The following CUEDC2 variants were observed in gnomAD, a reference collection of about 807,000 sequenced individuals.
CUEDC2 encodes the protein CUE domain containing 2.
Under a neutral mutation model 36.0 loss-of-function variants are expected in CUEDC2, and 10 were observed. The ratio of observed to expected loss-of-function variants is 0.28; its 90% CI spans 0.17 to 0.47. CUEDC2 has a LOEUF of 0.47. Ranked by LOEUF, CUEDC2 falls within the 20% of genes least tolerant of loss-of-function variation. CUEDC2 has a pLI of 0.99. For missense variants in CUEDC2, 269 were observed against 368.1 expected, an observed-to-expected ratio of 0.73 and a Z score of 2.20; for synonymous variants, 133 against 141.8, an observed-to-expected ratio of 0.94 and a Z score of 0.44.
In CUEDC2 at chr10:102,424,383, G is replaced by A; in HGVS notation, c.292C>T (p.Pro98Ser). Residue 98 changes from proline (P) to serine (S), a missense_variant, in exon 5 of 9, where the codon CCG (proline) becomes TCG (serine). Transcript: ENST00000369937. The surrounding 1 kb of genome is among the most constrained non-coding windows in gnomAD (Gnocchi z 4.2). ...SDARNKENLQ[P>S]QSSGVQGQVP... Reference sequence around the variant, plus strand: ...TGACCTTGGACACCAGAGCTCTGCGGTTGCAGGTTCTCTTAAAGAGGCAAA... The same window carrying A: ...TGACCTTGGACACCAGAGCTCTGCGATTGCAGGTTCTCTTAAAGAGGCAAA... The A allele has an allele frequency of 6.2e-7, 1 of 1,614,096 alleles. No homozygotes were observed. The highest frequency in any genetic ancestry group is 1.1e-5 in the South Asian group (1 of 91,076).
At chr10:102,430,143 TTAA>T (rs1250644922) in intron 1 of CUEDC2, among the ~76,000 whole-genome samples, 4 of 76,600 alleles carry the variant, frequency 5.2e-5, no homozygotes, top group Admixed American at 1.6e-4. Flanking sequence ...TTTTTTTTTT[TTAA>T]TTTTATTTAT....
Position 102,424,783 on chromosome 10 carries a change from A to C in CUEDC2, c.84T>G (p.Asp28Glu). The C allele has an allele frequency of 6.2e-7, 1 of 1,613,198 alleles. No individual in the cohort carries two copies. Among genetic ancestry groups the C allele is most frequent in the South Asian group, 1.1e-5 (1 of 91,068 alleles). The change falls in exon 3 of 9, where the codon GAT becomes GAG. Residue 28 changes from aspartate to glutamate, a missense_variant. Physicochemically the swap from Asp to Glu is conservative, Grantham distance 45. Transcript: ENST00000369937. This position sits in a 1 kb window ranked among gnomAD's most constrained non-coding sequence, Gnocchi z 4.2. ...HLPEADLSGL[D>E]EVIFSYVLGV... ...CAAGCACATAGGAGAAGATGACCTC[A>C]TCCAAGCCACTGCAGGAAGGGAACA...
intron 1 of CUEDC2, among the ~76,000 whole-genome samples, chr10:102,426,833 G>C (rs1483611297): frequency 6.6e-6 from 1 of 151,806 alleles, no homozygotes; most frequent in African/African-American, 2.4e-5. Context: ...TAGTAGAGAT[G>C]CAGTTTTGCC....
chr10:102,429,821 CTTTT>C (rs55659266), intron 1 of CUEDC2, among the ~76,000 whole-genome samples: 4 of 133,086 alleles, frequency 3.0e-5, no homozygotes. Flanking sequence ...CAGTTTCTTT[CTTTT>C]TTTTTTTTTT....
At chr10:102,431,848 GAC>G (rs770956342) in intron 1 of CUEDC2, among the ~76,000 whole-genome samples, 1 of 152,176 alleles carries the variant, frequency 6.6e-6, no homozygotes, top group Non-Finnish European at 1.5e-5. Flanking sequence ...GCTAGATAGA[GAC>G]ACTGTGGACA....
chr10:102,425,806 G>A (rs1388338503), intron 1 of CUEDC2, among the ~76,000 whole-genome samples: 1 of 151,984 alleles, frequency 6.6e-6, no homozygotes, highest in Admixed American at 6.5e-5. Flanking sequence ...CAAGGCCTGA[G>A]GAGCCCACAG....
rs1433292132 is a variant in CUEDC2, at chr10:102,425,171, G to A, written c.18C>T (p.Ile6=). The change falls in exon 2 of 9, where the codon ATC becomes ATT. Residue 6 remains isoleucine (I), a synonymous_variant. Transcript: ENST00000369937. MELER[I]VSAALLAFVQ... ...CAAAGGCAAGGAGGGCTGCACTGAC[G>A]ATCCTCTCCAGCTCCATGCTCTCTC... 3.1e-6 allele frequency: 5 copies of A among 1,613,608 alleles called. No homozygotes were observed. The African/African-American group carries it at 4.0e-5, about 13-fold the overall frequency.
At chr10:102,426,866 G>GGA (rs2061598653) in intron 1 of CUEDC2, among the ~76,000 whole-genome samples, 1 of 151,758 alleles carries the variant, frequency 6.6e-6, no homozygotes, top group African/African-American at 2.4e-5. Flanking sequence ...CAGGGTTCGA[G>GGA]ACCCAGGCTG....
intron 1 of CUEDC2, among the ~76,000 whole-genome samples, chr10:102,431,356 C>CAG (rs2061616140): frequency 6.6e-6 from 1 of 152,212 alleles, no homozygotes; most frequent in South Asian, 2.1e-4. Flanking sequence ...GTTGGCCAGA[C>CAG]TGGTCTCGAA....
intron 1 of CUEDC2, among the ~76,000 whole-genome samples, chr10:102,429,874 C>T (rs2061610349): frequency 6.7e-6 from 1 of 148,714 alleles, no homozygotes; most frequent in Non-Finnish European, 1.5e-5. Context: ...GGCTGGAGTG[C>T]AATGGTGTGA....
At position 102,423,633 on chromosome 10, in the gene CUEDC2, C is replaced by T. The variant is rs931335337; in HGVS notation, c.717+24G>A. 1 of 1,614,070 alleles carries T rather than the reference C, an allele frequency of 6.2e-7. No individual in the cohort carries two copies. The highest frequency in any genetic ancestry group is 8.5e-7 in the Non-Finnish European group (1 of 1,180,028). The stretch of plus-strand genomic sequence containing the variant: ...GAGCCAGTCCCACCCATTCCGCATC[C>T]CCAGCAACCCTTAACTCTCTCACCT... On this transcript the variant is annotated intron_variant, in intron 8 of 8. Coordinates refer to ENST00000369937, the MANE Select transcript of CUEDC2 (RefSeq NM_024040.3). The surrounding 1 kb of genome is among the most constrained non-coding windows in gnomAD (Gnocchi z 5.6).
chr10:102,424,175 T>C lies in CUEDC2; in HGVS notation c.415A>G (p.Thr139Ala), dbSNP rs558605609. Residue 139 changes from threonine to alanine, a missense_variant, in exon 6 of 9, where the codon ACT (threonine) becomes GCT (alanine). Transcript: ENST00000369937. The surrounding 1 kb of genome is among the most constrained non-coding windows in gnomAD (Gnocchi z 4.2). ...GGCAGAAGCTCCTCCTCAGCGCCAG[T>C]TGCCTAAGGGTACAAACGTTAACAA... Reference protein sequence around the residue: ...AAAADTQDEATGAEEELLPGV... With the variant: ...AAAADTQDEAAGAEEELLPGV... The C allele has an allele frequency of 1.2e-6, 2 of 1,613,798 alleles. No individual in the cohort carries two copies. Among genetic ancestry groups the C allele is most frequent in the African/African-American group, 2.7e-5 (2 of 75,018 alleles).
chr10:102,431,627 T>C (rs575620443), intron 1 of CUEDC2, among the ~76,000 whole-genome samples: 3 of 152,300 alleles, frequency 2.0e-5, no homozygotes, highest in African/African-American at 7.2e-5. Context: ...TCCTATATTC[T>C]GAATCTCCTC....
intron 1 of CUEDC2, among the ~76,000 whole-genome samples, chr10:102,427,593 C>T (rs1426005285): frequency 6.6e-6 from 1 of 152,158 alleles, no homozygotes; most frequent in East Asian, 1.9e-4. Context: ...TCCAATCAGT[C>T]GCCAAGCCCT....
Position 102,424,164 on chromosome 10 carries a change from C to T in CUEDC2, c.426G>A (p.Glu142=). The change falls in exon 6 of 9, where the codon GAG becomes GAA. Residue 142 remains glutamate (E), a synonymous_variant. Transcript: ENST00000369937. The surrounding 1 kb of genome is among the most constrained non-coding windows in gnomAD (Gnocchi z 4.2). The stretch of plus-strand genomic sequence containing the variant: ...CATCCACCCCTGGCAGAAGCTCCTC[C>T]TCAGCGCCAGTTGCCTAAGGGTACA... ...ADTQDEATGA[E]EELLPGVDVL... 6.2e-7 allele frequency: 1 copy of T among 1,613,948 alleles called. No individual in the cohort carries two copies. Among genetic ancestry groups the T allele is most frequent in the Non-Finnish European group, 8.5e-7 (1 of 1,179,898 alleles).
rs1231730368 is a variant in CUEDC2 at position 102,423,590 on chromosome 10, G to A, written c.718-18C>T. The A allele has an allele frequency of 6.2e-7, 1 of 1,614,092 alleles. No homozygotes were observed. The highest frequency in any genetic ancestry group is 8.5e-7 in the Non-Finnish European group (1 of 1,180,036). On this transcript the variant is annotated intron_variant, in intron 8 of 8. Coordinates refer to ENST00000369937, the MANE Select transcript of CUEDC2 (RefSeq NM_024040.3). The surrounding 1 kb of genome is among the most constrained non-coding windows in gnomAD (Gnocchi z 5.6). ...TTGGGGGCCTGTCAGGCAATCAGCAGTGAGTGGCAGAAGCCAGGAGCCAGT... is the reference window on the plus strand; with the variant it reads ...TTGGGGGCCTGTCAGGCAATCAGCAATGAGTGGCAGAAGCCAGGAGCCAGT...
At position 102,423,487 on chromosome 10, in the gene CUEDC2, G is replaced by A. The variant is rs2061583066; in HGVS notation, c.803C>T (p.Ala268Val). ...GATGTATGTGGCCTTCATCTCCTCG[G>A]CCTCAGGGTTCCGCACATCTTTGAA... ...ERFKDVRNPE[A>V]EEMKATYINL... Residue 268 changes from alanine to valine, a missense_variant, in exon 9 of 9, where the codon GCC becomes GTC. Coordinates refer to ENST00000369937, the MANE Select transcript of CUEDC2 (RefSeq NM_024040.3). This position sits in a 1 kb window ranked among gnomAD's most constrained non-coding sequence, Gnocchi z 5.6. The A allele has an allele frequency of 1.9e-6, 3 of 1,614,164 alleles. No homozygotes were observed. Among genetic ancestry groups the A allele is most frequent in the Non-Finnish European group, 2.5e-6 (3 of 1,180,030 alleles).
At position 102,424,519 on chromosome 10, in the gene CUEDC2, A is replaced by G; in HGVS notation, c.260T>C (p.Leu87Pro). Residue 87 changes from leucine (L) to proline (P), a missense_variant, in exon 4 of 9, where the codon CTG becomes CCG. Coordinates refer to ENST00000369937, the MANE Select transcript of CUEDC2 (RefSeq NM_024040.3). This position sits in a 1 kb window ranked among gnomAD's most constrained non-coding sequence, Gnocchi z 4.2. ...GDMMQKLSGQ[L>P]SDARNKENLQ... ...CTCACCTTTGTTCCTGGCATCGCTC[A>G]GCTGCCCTGAGAGCTTCTGCATCAT... is the stretch of plus-strand genomic sequence containing the variant. 6.2e-7 allele frequency: 1 copy of G among 1,614,170 alleles called. No homozygotes were observed. The highest frequency in any genetic ancestry group is 8.5e-7 in the Non-Finnish European group (1 of 1,180,020).
chr10:102,425,028 T>C, intron 2 of CUEDC2, 87 bp downstream of exon 2: 1 of 1,191,416 alleles, frequency 8.4e-7, no homozygotes, highest in Admixed American at 1.8e-5. Flanking sequence ...GCCCTCCTGC[T>C]GTCTTTCCAT....
Sources: gnomAD v4.1 joint callset for allele counts (sites outside exome capture counted in the v4.1 genomes callset) on GRCh38, gnomAD v4.1.1 for gene constraint, Gnocchi (gnomAD v3.1) non-coding constraint, MANE v1.5 for transcripts, NCBI Gene and HGNC (gene_info 2026-07-23, HGNC 2026-07-21) for gene names.